Variants in GNAI2 observed in about 807,000 individuals in gnomAD.
The protein encoded by GNAI2 is guanine nucleotide-binding protein G(i) subunit alpha-2.
GNAI2 carries 4 observed loss-of-function variants against 36.8 expected under a neutral mutation model. The ratio of observed to expected loss-of-function variants is 0.11; its 90% CI spans 0.05 to 0.25. The LOEUF is 0.25. GNAI2 is among the 10% of genes least tolerant of loss of function. GNAI2 has a pLI of 1.00. For synonymous variants in GNAI2, 194 were observed against 194.1 expected (o/e 1.00, Z 0.01); for missense variants, 230 against 481.3 (o/e 0.48, Z 4.89).
upstream of GNAI2, among the ~76,000 whole-genome samples, chr3:50,231,570 C>T (rs587751959): frequency 2.6e-4 from 40 of 152,332 alleles, no homozygotes; most frequent in Non-Finnish European, 4.1e-4. Context: ...CCACCGCACC[C>T]GGCCTTATTC....
upstream of GNAI2, among the ~76,000 whole-genome samples, chr3:50,228,707 C>T (rs1239512669): frequency 6.6e-6 from 1 of 152,232 alleles, no homozygotes; most frequent in African/African-American, 2.4e-5. Context: ...AGCCCACAGC[C>T]TGTCCTGTTG....
upstream of GNAI2, chr3:50,227,193 G>A (rs1448309724): frequency 1.5e-5 from 21 of 1,428,942 alleles, no homozygotes; most frequent in Non-Finnish European, 1.8e-5. This position sits in a 1 kb window ranked among gnomAD's most constrained non-coding sequence, Gnocchi z 5.9. Flanking sequence ...ACGTTCTGAG[G>A]GTAAGCCGAT....
rs1436879813 is a variant in GNAI2, at chr3:50,253,865, G to A, written c.464+681G>A. ...AGAGGTGGAGTTGGCCCAGAGACAG[G>A]ATTGCTGAGCTCTGAAGGAGAGTCA... On this transcript the variant is annotated intron_variant, in intron 4 of 8. Coordinates refer to ENST00000313601, the MANE Select transcript of GNAI2 (RefSeq NM_002070.4). This position sits in a 1 kb window ranked among gnomAD's most constrained non-coding sequence, Gnocchi z 4.2. Among the ~76,000 whole-genome samples, 1 of 152,196 alleles carries A rather than the reference G, an allele frequency of 6.6e-6. No homozygotes were observed. The highest frequency in any genetic ancestry group is 2.4e-5 in the African/African-American group (1 of 41,444).
chr3:50,251,552 A>G (rs1700556558), intron 1 of GNAI2: 1 of 1,183,314 alleles, frequency 8.5e-7, no homozygotes, highest in Non-Finnish European at 1.1e-6. Flanking sequence ...ACCTGAGCGC[A>G]GTGAGCAGAG....
At chr3:50,233,804 A>AT (rs1206039882), upstream of GNAI2, among the ~76,000 whole-genome samples, 1 of 151,860 alleles carries the variant, frequency 6.6e-6, no homozygotes, top group Non-Finnish European at 1.5e-5. Context: ...CCTCAACAAG[A>AT]GAGACATTCA....
chr3:50,241,402 G>A lies in GNAI2; in HGVS notation c.118+4949G>A, dbSNP rs1175099681. On this transcript the variant is annotated intron_variant, in intron 1 of 8. Coordinates refer to ENST00000313601, the MANE Select transcript of GNAI2 (RefSeq NM_002070.4). This position sits in a 1 kb window ranked among gnomAD's most constrained non-coding sequence, Gnocchi z 5.0. Reference sequence around the variant, plus strand: ...GCTCCCACACTAAGGAGTGAACAGGGGTCCAAGCTATAGCTGACCCCCTCT... The same window carrying A: ...GCTCCCACACTAAGGAGTGAACAGGAGTCCAAGCTATAGCTGACCCCCTCT... Among the ~76,000 whole-genome samples the A allele has an allele frequency of 1.3e-5, 2 of 152,172 alleles. No homozygotes were observed. Among genetic ancestry groups the A allele is most frequent in the Admixed American group, 6.5e-5 (1 of 15,286 alleles).
intron 1 of GNAI2, among the ~76,000 whole-genome samples, chr3:50,247,401 G>A (rs777942025): frequency 1.4e-4 from 21 of 152,232 alleles, no homozygotes; most frequent in Admixed American, 5.2e-4. Flanking sequence ...GGAAACTGAA[G>A]CCAGAAAGGA....
chr3:50,227,245 C>A, upstream of GNAI2: 2 of 1,137,090 alleles, frequency 1.8e-6, no homozygotes, highest in Admixed American at 3.4e-5. The surrounding 1 kb of genome is among the most constrained non-coding windows in gnomAD (Gnocchi z 5.9). Flanking sequence ...TGGGGCCCCG[C>A]GCGGGGCAAG....
At chr3:50,231,184 GC>G (rs1559761535) in intron 1 of GNAI2, among the ~76,000 whole-genome samples, 1 of 152,146 alleles carries the variant, frequency 6.6e-6, no homozygotes, top group Non-Finnish European at 1.5e-5. Flanking sequence ...ACCTTCCCAG[GC>G]ACTATTGGTT....
chr3:50,237,271 C>T (rs1320118075), intron 1 of GNAI2, among the ~76,000 whole-genome samples: 1 of 152,238 alleles, frequency 6.6e-6, no homozygotes, highest in Non-Finnish European at 1.5e-5. Context: ...CCACTGGTCA[C>T]GCTGGGGGAG....
chr3:50,256,873 T>A (rs946282253), intron 6 of GNAI2, 21 bp downstream of exon 6: 1 of 1,613,768 alleles, frequency 6.2e-7, no homozygotes, highest in Admixed American at 1.7e-5. Flanking sequence ...GAGAGAATGC[T>A]GCGGGTGGGG....
intron 1 of GNAI2, chr3:50,246,845 G>C: frequency 7.4e-7 from 1 of 1,353,640 alleles, no homozygotes; most frequent in Non-Finnish European, 9.7e-7. Context: ...GGAGTGCCGG[G>C]TTATACTGAA....
At chr3:50,240,734 T>C (rs1264574021) in intron 1 of GNAI2, among the ~76,000 whole-genome samples, 2 of 151,938 alleles carry the variant, frequency 1.3e-5, no homozygotes, top group Non-Finnish European at 2.9e-5. Flanking sequence ...CTGGCCAACA[T>C]GGTGAAACCC....
rs1276744804 is a variant in GNAI2, at chr3:50,242,944, C to T, written c.118+6491C>T. ...GGAGGAGGAGGTAATGAAGTCTGCA[C>T]GACATGGCAGGGCAGGGCTGGGCCT... is the stretch of plus-strand genomic sequence containing the variant. On this transcript the variant is annotated intron_variant, in intron 1 of 8. Transcript: ENST00000313601. This position sits in a 1 kb window ranked among gnomAD's most constrained non-coding sequence, Gnocchi z 4.8. 2.0e-5 allele frequency among the ~76,000 whole-genome samples: 3 copies of T among 152,094 alleles called. No homozygotes were observed. Among genetic ancestry groups the T allele is most frequent in the East Asian group, 1.9e-4 (1 of 5,188 alleles).
At position 50,252,821 on chromosome 3, in the gene GNAI2, C is replaced by G. The variant is rs1700595699; in HGVS notation, c.304-203C>G. 6.6e-6 allele frequency among the ~76,000 whole-genome samples: 1 copy of G among 152,118 alleles called. No individual in the cohort carries two copies. The highest frequency in any genetic ancestry group is 2.1e-4 in the South Asian group (1 of 4,824). ...AGAGGATGCAGTGAGCCAAGATCGC[C>G]CCATTGCACTCTAGCCTTGGTGACA... On this transcript the variant is annotated intron_variant, in intron 3 of 8. Transcript: ENST00000313601. The surrounding 1 kb of genome is among the most constrained non-coding windows in gnomAD (Gnocchi z 4.1).
chr3:50,251,864 G>C, intron 1 of GNAI2: 1 of 1,148,034 alleles, frequency 8.7e-7, no homozygotes, highest in Non-Finnish European at 1.2e-6. Flanking sequence ...GGAGGCAAAG[G>C]CCTGCAGAGA....
chr3:50,234,892 C>G (rs1295806331), upstream of GNAI2, among the ~76,000 whole-genome samples: 1 of 152,220 alleles, frequency 6.6e-6, no homozygotes, highest in Admixed American at 6.5e-5. Flanking sequence ...AAATGTTCAG[C>G]TAGAAACACT....
At chr3:50,257,407 C>A in intron 7 of GNAI2, 93 bp from the exon 8 acceptor site, 1 of 815,292 alleles carries the variant, frequency 1.2e-6, no homozygotes, top group Non-Finnish European at 1.9e-6. Context: ...GGTTGTATGC[C>A]TGGCCGTCCA....
chr3:50,235,641 A>G (rs1298353533), upstream of GNAI2, among the ~76,000 whole-genome samples: 1 of 151,810 alleles, frequency 6.6e-6, no homozygotes, highest in Non-Finnish European at 1.5e-5. Flanking sequence ...TTTTTCGACT[A>G]GCTGCAACCC....
Sources: gnomAD v4.1 joint callset for allele counts (sites outside exome capture counted in the v4.1 genomes callset) on GRCh38, gnomAD v4.1.1 for gene constraint, Gnocchi (gnomAD v3.1) non-coding constraint, MANE v1.5 for transcripts, NCBI Gene and HGNC (gene_info 2026-07-23, HGNC 2026-07-21) for gene names.